TAFA2: variants seen among roughly 807,000 people sequenced by gnomAD.
TAFA2 encodes TAFA chemokine like family member 2.
Under a neutral mutation model 18.8 loss-of-function variants are expected in TAFA2, and 7 were observed. The observed-to-expected ratio is 0.37, with a 90% CI of 0.21 to 0.70. The LOEUF (loss-of-function observed/expected upper bound fraction) is 0.70, where lower values mean the gene tolerates loss of function less well. TAFA2 is among the 30% of genes least tolerant of loss of function. The probability of loss-of-function intolerance (pLI) is 0.53; values close to 1 mark genes in which losing one functional copy is unlikely to be tolerated. For missense variants in TAFA2, 122 were observed against 158.1 expected, an observed-to-expected ratio of 0.77 and a Z score of 1.23; for synonymous variants, 60 against 54.2, an observed-to-expected ratio of 1.11 and a Z score of -0.47.
intron 1 of TAFA2, among the ~76,000 whole-genome samples, chr12:62,139,806 C>T (rs892560744): frequency 2.6e-5 from 4 of 152,142 alleles, no homozygotes; most frequent in African/African-American, 9.7e-5. Flanking sequence ...ACTATACAGA[C>T]AAGAAAATGG....
intron 1 of TAFA2, among the ~76,000 whole-genome samples, chr12:62,038,265 A>G (rs1001256797): frequency 6.6e-6 from 1 of 152,180 alleles, no homozygotes; most frequent in Non-Finnish European, 1.5e-5. Context: ...AAAAAAGGTA[A>G]CTGTGGAATA....
At chr12:62,106,241 G>A (rs142766642) in intron 1 of TAFA2, among the ~76,000 whole-genome samples, 7,762 of 152,034 alleles carry the variant, frequency 0.051, 276 homozygotes, top group Non-Finnish European at 0.077. Flanking sequence ...GGCTGAGGCA[G>A]AAAAATCGCT....
chr12:61,973,826 G>T (rs1879341452), intron 1 of TAFA2, among the ~76,000 whole-genome samples: 1 of 151,718 alleles, frequency 6.6e-6, no homozygotes, highest in African/African-American at 2.4e-5. Context: ...AATCCTTGGG[G>T]AAGTGAGCAG....
At chr12:62,207,997 A>G (rs2062699213) in intron 1 of TAFA2, among the ~76,000 whole-genome samples, 1 of 152,210 alleles carries the variant, frequency 6.6e-6, no homozygotes, top group Admixed American at 6.5e-5. Context: ...GAGGTCTGCC[A>G]CAAGGAGGAT....
intron 2 of TAFA2, among the ~76,000 whole-genome samples, 183 bp from the exon 3 acceptor site, chr12:61,755,207 C>T (rs1415984538): frequency 1.3e-5 from 2 of 152,066 alleles, no homozygotes; most frequent in African/African-American, 4.8e-5. Flanking sequence ...GTGGTAGGAA[C>T]ATTTCTGTCA....
At chr12:62,039,585 A>C (rs1036398292) in intron 1 of TAFA2, among the ~76,000 whole-genome samples, 1 of 152,180 alleles carries the variant, frequency 6.6e-6, no homozygotes, top group African/African-American at 2.4e-5. Context: ...TTTAAAGGTA[A>C]CTTGGATGAA....
chr12:61,735,493 A>T (rs1426129510), intron 4 of TAFA2, among the ~76,000 whole-genome samples: 1 of 152,076 alleles, frequency 6.6e-6, no homozygotes, highest in Non-Finnish European at 1.5e-5. Flanking sequence ...GGTGATTAGC[A>T]TATTCATCAT....
chr12:62,098,462 C>A lies in TAFA2; in HGVS notation c.-2+92797G>T, dbSNP rs891396911. Among the ~76,000 whole-genome samples the A allele has an allele frequency of 5.9e-5, 9 of 152,128 alleles. No individual in the cohort carries two copies. In the East Asian group the frequency reaches 1.7e-3, roughly 29 times the overall value. On this transcript the variant is annotated intron_variant, in intron 1 of 4. Coordinates refer to ENST00000416284, the MANE Select transcript of TAFA2 (RefSeq NM_178539.5). ...ATGTTCCCTGCCATGTGGAAAAATCCTTCCAAAATAGGACAAAAGTATCAA... is the reference window on the plus strand; with the variant it reads ...ATGTTCCCTGCCATGTGGAAAAATCATTCCAAAATAGGACAAAAGTATCAA...
chr12:61,993,936 C>T (rs1880095982), intron 1 of TAFA2, among the ~76,000 whole-genome samples: 1 of 152,108 alleles, frequency 6.6e-6, no homozygotes. Context: ...CAGCTCTCTA[C>T]TACCACCTAT....
rs1337601187 is a variant in TAFA2 at position 61,773,453 on chromosome 12, ACTATAC to A, written c.107-18435_107-18430del. ...GAGCCATCATATTATCCAACTTCAA[ACTATAC>A]TATAAGGCTATAGTCACCAAAACAT... On this transcript the variant is annotated intron_variant, in intron 2 of 4. Coordinates refer to ENST00000416284, the MANE Select transcript of TAFA2 (RefSeq NM_178539.5). Among the ~76,000 whole-genome samples, 6 of 152,030 alleles carry A rather than the reference ACTATAC, an allele frequency of 3.9e-5. No individual in the cohort carries two copies. In the South Asian group the frequency reaches 1.2e-3, roughly 31 times the overall value.
chr12:61,752,549 G>A (rs568060988), intron 4 of TAFA2, among the ~76,000 whole-genome samples: 10 of 152,060 alleles, frequency 6.6e-5, no homozygotes, highest in African/African-American at 2.4e-4. Flanking sequence ...CATCCAATGG[G>A]TTTTGAAAAG....
At chr12:62,129,633 A>T (rs1023026778) in intron 1 of TAFA2, among the ~76,000 whole-genome samples, 15 of 152,040 alleles carry the variant, frequency 9.9e-5, no homozygotes, top group Non-Finnish European at 1.9e-4. Flanking sequence ...ATTTAATTTT[A>T]AAAAATGTTA....
At chr12:61,823,665 C>A (rs924355384) in intron 2 of TAFA2, among the ~76,000 whole-genome samples, 1 of 152,176 alleles carries the variant, frequency 6.6e-6, no homozygotes, top group Middle Eastern at 3.2e-3. Context: ...GCCATAGTTT[C>A]AGCCCTTGAA....
At chr12:62,233,549 G>A (rs1356188673) in intron 1 of TAFA2, among the ~76,000 whole-genome samples, 3 of 152,062 alleles carry the variant, frequency 2.0e-5, no homozygotes, top group South Asian at 2.1e-4. Flanking sequence ...CAGACCTCTC[G>A]TCTTACATAA....
At chr12:62,259,692 T>C (rs1169026349), upstream of TAFA2, 1 of 152,376 alleles carries the variant, frequency 6.6e-6, no homozygotes, top group Non-Finnish European at 1.5e-5. Context: ...CATTATTCAA[T>C]ACTGTCCATA....
chr12:61,955,969 A>G (rs906632849), intron 1 of TAFA2, among the ~76,000 whole-genome samples: 5 of 152,066 alleles, frequency 3.3e-5, no homozygotes, highest in Non-Finnish European at 7.4e-5. Context: ...TTTAAAATTT[A>G]GGCTCAATTA....
chr12:62,213,641 C>CA (rs5798637), intron 1 of TAFA2, among the ~76,000 whole-genome samples: 96,698 of 145,234 alleles, frequency 0.67, 32,195 homozygotes, highest in Middle Eastern at 0.74. Flanking sequence ...GACTCTGTCT[C>CA]AAAAAAAAAA....
intron 1 of TAFA2, among the ~76,000 whole-genome samples, chr12:61,993,177 T>C (rs551130602): frequency 4.6e-5 from 7 of 152,306 alleles, no homozygotes; most frequent in African/African-American, 1.7e-4. Context: ...CCTTACCATG[T>C]CCAGAATGCC....
intron 2 of TAFA2, among the ~76,000 whole-genome samples, chr12:61,812,058 G>T (rs946706160): frequency 3.3e-5 from 5 of 151,228 alleles, no homozygotes; most frequent in African/African-American, 1.2e-4. Flanking sequence ...TAGTGAGAAG[G>T]CCTACTCAAA....
Sources: gnomAD v4.1 joint callset for allele counts (sites outside exome capture counted in the v4.1 genomes callset) on GRCh38, gnomAD v4.1.1 for gene constraint, MANE v1.5 for transcripts, NCBI Gene and HGNC (gene_info 2026-07-23, HGNC 2026-07-21) for gene names.